Variants in CDH13 observed in about 807,000 individuals in gnomAD.
CDH13 encodes cadherin-13.
A neutral mutation model predicts 63.8 loss-of-function variants in CDH13; 24 were observed. The ratio of observed to expected loss-of-function variants is 0.38; its 90% CI spans 0.27 to 0.53. The LOEUF (loss-of-function observed/expected upper bound fraction) is 0.53, where lower values mean the gene tolerates loss of function less well. Ranked by LOEUF, CDH13 falls within the 20% of genes least tolerant of loss-of-function variation. CDH13 has a pLI of 0.85. For missense variants in CDH13, 1,049 were observed against 903.1 expected (o/e 1.16, Z -2.07); for synonymous variants, 503 against 355.3 (o/e 1.42, Z -4.67).
chr16:82,967,813 A>G (rs746048893), intron 2 of CDH13, among the ~76,000 whole-genome samples: 4 of 152,234 alleles, frequency 2.6e-5, no homozygotes, highest in African/African-American at 4.8e-5. Flanking sequence ...GACCACTTAC[A>G]GAGGGTGGTG....
At chr16:82,737,751 A>C (rs559768002) in intron 1 of CDH13, among the ~76,000 whole-genome samples, 1 of 152,180 alleles carries the variant, frequency 6.6e-6, no homozygotes, top group African/African-American at 2.4e-5. Flanking sequence ...CTCTTCCTCT[A>C]TAAACTCTAG....
intron 10 of CDH13, among the ~76,000 whole-genome samples, chr16:83,736,548 A>G (rs400612): frequency 0.78 from 118,393 of 152,020 alleles, 46,478 homozygotes; most frequent in Middle Eastern, 0.83. Context: ...GTCCCTTTAT[A>G]TGAGATATAA....
chr16:82,694,920 A>G (rs1386571285), intron 1 of CDH13, among the ~76,000 whole-genome samples: 1 of 152,174 alleles, frequency 6.6e-6, no homozygotes, highest in Non-Finnish European at 1.5e-5. Context: ...GGAACTGAGG[A>G]GTCAAGGAGG....
intron 2 of CDH13, among the ~76,000 whole-genome samples, chr16:82,960,903 G>A (rs538523767): frequency 1.3e-5 from 2 of 151,958 alleles, no homozygotes; most frequent in Admixed American, 6.6e-5. Flanking sequence ...TTTAGTACAC[G>A]TTTCTGTTTT....
At chr16:83,192,138 C>G (rs904441725) in intron 4 of CDH13, among the ~76,000 whole-genome samples, 1 of 152,212 alleles carries the variant, frequency 6.6e-6, no homozygotes, top group African/African-American at 2.4e-5. Context: ...ACTCAAGCCT[C>G]AAGCAAGAGC....
chr16:83,715,789 G>A (rs745760458), intron 10 of CDH13, among the ~76,000 whole-genome samples: 4 of 152,206 alleles, frequency 2.6e-5, no homozygotes, highest in African/African-American at 7.2e-5. Context: ...TTCCTAGCTC[G>A]GGGATGGTCA....
At chr16:82,685,233 C>A (rs572437076) in intron 1 of CDH13, among the ~76,000 whole-genome samples, 1 of 152,208 alleles carries the variant, frequency 6.6e-6, no homozygotes, top group South Asian at 2.1e-4. Flanking sequence ...TTTCACAGTT[C>A]TGGAGGCTGG....
At chr16:82,982,626 C>G (rs914842977) in intron 2 of CDH13, among the ~76,000 whole-genome samples, 1 of 152,104 alleles carries the variant, frequency 6.6e-6, no homozygotes, top group South Asian at 2.1e-4. Flanking sequence ...GCATTCTTAT[C>G]CCCCCAACTA....
At chr16:83,101,091 G>A (rs965452763) in intron 3 of CDH13, among the ~76,000 whole-genome samples, 3 of 152,000 alleles carry the variant, frequency 2.0e-5, no homozygotes, top group Admixed American at 2.0e-4. Context: ...CACTGGTCTA[G>A]GCACAGGGGT....
At chr16:83,730,009 C>T (rs1910863026) in intron 10 of CDH13, among the ~76,000 whole-genome samples, 1 of 152,184 alleles carries the variant, frequency 6.6e-6, no homozygotes, top group Non-Finnish European at 1.5e-5. Flanking sequence ...TGCATGTGGA[C>T]CCTCACGGTG....
At chr16:83,050,772 C>A (rs1276679894) in intron 3 of CDH13, among the ~76,000 whole-genome samples, 1 of 152,138 alleles carries the variant, frequency 6.6e-6, no homozygotes. Context: ...CTGGGGTTAA[C>A]TGTGTGAGTC....
intron 4 of CDH13, among the ~76,000 whole-genome samples, chr16:83,145,407 G>C (rs1285848851): frequency 6.6e-6 from 1 of 152,308 alleles, no homozygotes; most frequent in South Asian, 2.1e-4. Flanking sequence ...TTGAAGACCA[G>C]GGGCTTTTAA....
chr16:82,799,857 G>C (rs2036766530), intron 1 of CDH13, among the ~76,000 whole-genome samples: 1 of 152,188 alleles, frequency 6.6e-6, no homozygotes, highest in African/African-American at 2.4e-5. Context: ...ACTGATGATG[G>C]ATTTTGGCTT....
In CDH13 at chr16:82,760,816, C is replaced by T. The variant is rs1361325645; in HGVS notation, c.46-97546C>T. On this transcript the variant is annotated intron_variant, in intron 1 of 13. Transcript: ENST00000567109. ...TAAGGTGAAGGGGGAGCAGGCATGT[C>T]ACATGGTGAGAGAGAGAGCAAGAGA... Among the ~76,000 whole-genome samples, 12 of 151,884 alleles carry T rather than the reference C, an allele frequency of 7.9e-5. No homozygotes were observed. The South Asian group carries it at 1.9e-3, about 24-fold the overall frequency.
intron 2 of CDH13, among the ~76,000 whole-genome samples, chr16:83,011,528 G>T (rs1201492500): frequency 1.3e-5 from 2 of 152,100 alleles, no homozygotes; most frequent in Non-Finnish European, 2.9e-5. Flanking sequence ...TGGGTCCTGT[G>T]CTTGAAAGGC....
At chr16:82,729,701 A>T (rs908876672) in intron 1 of CDH13, among the ~76,000 whole-genome samples, 1 of 152,146 alleles carries the variant, frequency 6.6e-6, no homozygotes, top group Admixed American at 6.5e-5. Flanking sequence ...CTAACAAGAG[A>T]GTCAGCCTGT....
At chr16:83,549,301 C>G (rs768739815) in intron 7 of CDH13, among the ~76,000 whole-genome samples, 1 of 152,194 alleles carries the variant, frequency 6.6e-6, no homozygotes, top group Admixed American at 6.5e-5. Context: ...CACCCCACCT[C>G]TCATTCTTCT....
At chr16:83,741,135 C>A (rs1448728711) in intron 10 of CDH13, among the ~76,000 whole-genome samples, 1 of 152,200 alleles carries the variant, frequency 6.6e-6, no homozygotes, top group Non-Finnish European at 1.5e-5. Context: ...TTCTGGAATT[C>A]ACTAGCCATT....
intron 1 of CDH13, among the ~76,000 whole-genome samples, chr16:82,787,129 T>G (rs972693055): frequency 1.3e-5 from 2 of 152,212 alleles, no homozygotes; most frequent in African/African-American, 4.8e-5. Context: ...GGTCTTATTA[T>G]GTAAGACTGT....
Sources: allele counts gnomAD v4.1 joint callset (sites outside exome capture counted in the v4.1 genomes callset), GRCh38; gene constraint gnomAD v4.1.1; transcripts MANE v1.5; gene names NCBI Gene and HGNC (gene_info 2026-07-23, HGNC 2026-07-21).